CSMD1: variants seen among roughly 807,000 people sequenced by gnomAD.
CSMD1 encodes the protein CUB and sushi domain-containing protein 1.
Under a neutral mutation model 417.5 loss-of-function variants are expected in CSMD1, and 213 were observed. The ratio of observed to expected loss-of-function variants is 0.51; its 90% CI spans 0.46 to 0.57. CSMD1 has a LOEUF of 0.57. CSMD1 is among the 20% of genes least tolerant of loss of function. The pLI is 0.00. For synonymous variants in CSMD1, 2,862 were observed against 1,736.8 expected (o/e 1.65, Z -16.11); for missense variants, 6,923 against 4,529.7 (o/e 1.53, Z -15.17).
intron 5 of CSMD1, among the ~76,000 whole-genome samples, chr8:3,777,155 C>T (rs1477138946): frequency 8.8e-6 from 1 of 113,108 alleles, no homozygotes; most frequent in Non-Finnish European, 2.0e-5. Context: ...CACACACACA[C>T]ACACATCATA....
intron 3 of CSMD1, among the ~76,000 whole-genome samples, chr8:4,230,335 T>A (rs1308456195): frequency 2.6e-5 from 4 of 152,308 alleles, no homozygotes; most frequent in East Asian, 3.9e-4. Context: ...ATCCATTGCA[T>A]AAAGCAAATC....
At chr8:4,910,354 G>C (rs1320020022) in intron 1 of CSMD1, among the ~76,000 whole-genome samples, 7 of 152,040 alleles carry the variant, frequency 4.6e-5, no homozygotes, top group Admixed American at 3.9e-4. Context: ...AGTCAATTTT[G>C]GCTGCTATAA....
At chr8:2,981,114 A>G (rs1382565137) in intron 54 of CSMD1, among the ~76,000 whole-genome samples, 4 of 152,224 alleles carry the variant, frequency 2.6e-5, no homozygotes, top group Non-Finnish European at 5.9e-5. Flanking sequence ...TGCTGGAGGA[A>G]AAACAGGGCA....
intron 3 of CSMD1, among the ~76,000 whole-genome samples, chr8:4,358,474 C>T (rs548702314): frequency 6.6e-6 from 1 of 152,212 alleles, no homozygotes; most frequent in Non-Finnish European, 1.5e-5. Context: ...CCACTGGCTC[C>T]TTTCCACAAG....
intron 3 of CSMD1, among the ~76,000 whole-genome samples, chr8:4,135,654 G>C (rs1803384613): frequency 6.6e-6 from 1 of 152,012 alleles, no homozygotes; most frequent in African/African-American, 2.4e-5. Flanking sequence ...AATATATGAA[G>C]AAGAAACCAA....
chr8:3,565,632 T>C (rs956982804), intron 10 of CSMD1, among the ~76,000 whole-genome samples: 2 of 152,192 alleles, frequency 1.3e-5, no homozygotes, highest in Non-Finnish European at 2.9e-5. Context: ...AACCATTGAA[T>C]CATAAAAGAA....
intron 1 of CSMD1, among the ~76,000 whole-genome samples, chr8:4,796,274 G>T (rs1585113186): frequency 6.6e-6 from 1 of 151,984 alleles, no homozygotes; most frequent in Non-Finnish European, 1.5e-5. Flanking sequence ...CAAGGAGCTG[G>T]CCAGAGGATT....
chr8:4,521,187 A>C (rs1300638124), intron 2 of CSMD1, among the ~76,000 whole-genome samples: 2 of 152,162 alleles, frequency 1.3e-5, no homozygotes, highest in Non-Finnish European at 2.9e-5. Flanking sequence ...ATATACATTA[A>C]AAATTGTTTT....
chr8:4,931,972 T>A (rs572840450), intron 1 of CSMD1, among the ~76,000 whole-genome samples: 1 of 152,314 alleles, frequency 6.6e-6, no homozygotes, highest in Admixed American at 6.5e-5. Flanking sequence ...TTATTAAAAT[T>A]CAGGAAAAAA....
chr8:4,424,168 C>A (rs538437862), intron 2 of CSMD1, among the ~76,000 whole-genome samples: 1 of 151,814 alleles, frequency 6.6e-6, no homozygotes, highest in African/African-American at 2.4e-5. Context: ...AAATTACAAA[C>A]CAGAAAAAGA....
At chr8:3,302,531 T>C (rs1183188982) in intron 25 of CSMD1, among the ~76,000 whole-genome samples, 2 of 152,226 alleles carry the variant, frequency 1.3e-5, no homozygotes, top group Admixed American at 1.3e-4. Flanking sequence ...CTATCTTTTC[T>C]GGGCAATTCC....
intron 3 of CSMD1, among the ~76,000 whole-genome samples, chr8:4,382,937 T>A (rs1294240775): frequency 6.6e-6 from 1 of 152,166 alleles, no homozygotes; most frequent in Non-Finnish European, 1.5e-5. Context: ...ACATTCATTT[T>A]ATCACCTAAG....
intron 6 of CSMD1, among the ~76,000 whole-genome samples, chr8:3,736,156 G>T (rs754165871): frequency 6.6e-6 from 1 of 152,058 alleles, no homozygotes; most frequent in Non-Finnish European, 1.5e-5. Flanking sequence ...CCCTGTAATC[G>T]CATCACATCT....
At chr8:3,811,930 A>G (rs2954235) in intron 5 of CSMD1, among the ~76,000 whole-genome samples, 38,467 of 152,112 alleles carry the variant, frequency 0.25, 5,474 homozygotes, top group Non-Finnish European at 0.32. Flanking sequence ...CATATAGATA[A>G]AAGTCCTGGA....
chr8:4,912,227 C>T (rs898211761), intron 1 of CSMD1, among the ~76,000 whole-genome samples: 21 of 151,838 alleles, frequency 1.4e-4, no homozygotes, highest in African/African-American at 4.4e-4. Context: ...TGGAGACCTG[C>T]TTCCAGAGCT....
intron 3 of CSMD1, among the ~76,000 whole-genome samples, chr8:4,172,721 C>T (rs79332101): frequency 1.6e-4 from 25 of 152,136 alleles, no homozygotes; most frequent in African/African-American, 5.3e-4. Flanking sequence ...CAGGATATCA[C>T]TTGACATTAG....
intron 3 of CSMD1, among the ~76,000 whole-genome samples, chr8:4,353,320 A>T (rs1801206968): frequency 6.6e-6 from 1 of 152,036 alleles, no homozygotes; most frequent in Admixed American, 6.6e-5. Flanking sequence ...CTTCCCTGCC[A>T]CCATGTAAGA....
intron 1 of CSMD1, among the ~76,000 whole-genome samples, chr8:4,663,308 C>A (rs1804717359): frequency 6.6e-6 from 1 of 152,160 alleles, no homozygotes; most frequent in Admixed American, 6.5e-5. Context: ...GGACAAAGCC[C>A]ATCTTTTTAA....
At chr8:3,599,766 C>G (rs1053878190) in intron 8 of CSMD1, among the ~76,000 whole-genome samples, 1 of 152,184 alleles carries the variant, frequency 6.6e-6, no homozygotes, top group African/African-American at 2.4e-5. Flanking sequence ...CCAGGTGGTC[C>G]TTCCCGCTTG....
Sources: gnomAD v4.1 joint callset for allele counts (sites outside exome capture counted in the v4.1 genomes callset) on GRCh38, gnomAD v4.1.1 for gene constraint, MANE v1.5 for transcripts, NCBI Gene and HGNC (gene_info 2026-07-23, HGNC 2026-07-21) for gene names.